KCNT2: variants seen among roughly 807,000 people sequenced by gnomAD.
The protein encoded by KCNT2 is potassium channel subfamily T member 2.
In KCNT2, 67 loss-of-function variants were observed where a neutral mutation model predicts 153.8. The ratio of observed to expected loss-of-function variants is 0.44; its 90% confidence interval spans 0.36 to 0.53. KCNT2 has a LOEUF of 0.53. Among genes scored for constraint, KCNT2 ranks in the 20% least tolerant of loss-of-function variants. The probability of loss-of-function intolerance (pLI) is 0.00; values close to 1 mark genes in which losing one functional copy is unlikely to be tolerated. For synonymous variants in KCNT2, 500 were observed against 458.8 expected, an observed-to-expected ratio of 1.09 and a Z score of -1.15; for missense variants, 975 against 1,354.8, an observed-to-expected ratio of 0.72 and a Z score of 4.40.
chr1:196,473,465 C>T lies in KCNT2; in HGVS notation c.385-4397G>A, dbSNP rs377539415. Among the ~76,000 whole-genome samples the T allele has an allele frequency of 3.9e-4, 59 of 152,264 alleles. 1 individual carries two copies. In the South Asian group the frequency reaches 0.011, roughly 27 times the overall value. On this transcript the variant is annotated intron_variant, in intron 5 of 27. Coordinates refer to ENST00000294725, the MANE Select transcript of KCNT2 (RefSeq NM_198503.5). ...CTAAATAAAAACTGTTGGTACATTA[C>T]GTCAACCATGGATTGTTGACTCACA...
At chr1:196,399,160 T>C (rs979946001) in intron 12 of KCNT2, among the ~76,000 whole-genome samples, 1 of 150,954 alleles carries the variant, frequency 6.6e-6, no homozygotes, top group Non-Finnish European at 1.5e-5. Flanking sequence ...AAAAAACTCT[T>C]AGATATAATA....
intron 8 of KCNT2, among the ~76,000 whole-genome samples, chr1:196,442,510 A>G (rs1265651202): frequency 2.6e-5 from 4 of 151,766 alleles, no homozygotes; most frequent in African/African-American, 9.7e-5. Context: ...AACTACAGAA[A>G]GAAGAGGCCC....
chr1:196,284,129 C>T (rs1474865963), intron 23 of KCNT2, among the ~76,000 whole-genome samples: 1 of 145,804 alleles, frequency 6.9e-6, no homozygotes, highest in Non-Finnish European at 1.5e-5. Flanking sequence ...TATTTGGGAG[C>T]CTGAGGCAGG....
At chr1:196,432,152 G>A (rs1674210945) in intron 8 of KCNT2, among the ~76,000 whole-genome samples, 1 of 152,118 alleles carries the variant, frequency 6.6e-6, no homozygotes, top group Admixed American at 6.6e-5. Flanking sequence ...TGCTATGGAA[G>A]TCAGAGGTGG....
intron 1 of KCNT2, among the ~76,000 whole-genome samples, chr1:196,559,500 C>G (rs899526243): frequency 3.3e-5 from 5 of 151,616 alleles, no homozygotes; most frequent in Non-Finnish European, 5.9e-5. Flanking sequence ...GTTACTTGGT[C>G]AAAGAGTAGA....
rs1169161256 is a variant in KCNT2 at position 196,283,870 on chromosome 1, A to T, written c.2698-1514T>A. On this transcript the variant is annotated intron_variant, in intron 23 of 27. Transcript: ENST00000294725. ...AATATTTTGTTTCAGTTATATATAC[A>T]TACACATCTACACACACACAAATGC... 2.0e-5 allele frequency among the ~76,000 whole-genome samples: 3 copies of T among 152,216 alleles called. No individual in the cohort carries two copies. The East Asian group carries it at 5.8e-4, about 30-fold the overall frequency.
At chr1:196,263,807 T>G (rs1218841805) in intron 25 of KCNT2, among the ~76,000 whole-genome samples, 1 of 152,196 alleles carries the variant, frequency 6.6e-6, no homozygotes, top group East Asian at 1.9e-4. Flanking sequence ...TGGTTAATTA[T>G]CTCTAAAAGA....
At chr1:196,249,340 C>T (rs1446550260) in intron 26 of KCNT2, among the ~76,000 whole-genome samples, 1 of 152,074 alleles carries the variant, frequency 6.6e-6, no homozygotes, top group Non-Finnish European at 1.5e-5. Flanking sequence ...AAAGGTCATT[C>T]AAATTGGAAA....
chr1:196,592,167 G>T (rs1663437012), intron 1 of KCNT2, among the ~76,000 whole-genome samples: 1 of 152,002 alleles, frequency 6.6e-6, no homozygotes, highest in Admixed American at 6.6e-5. Context: ...ATACACAATG[G>T]TGTACTATTC....
rs578142676 is a variant in KCNT2, at chr1:196,574,344, T to A, written c.95+33871A>T. 1.1e-4 allele frequency among the ~76,000 whole-genome samples: 17 copies of A among 151,798 alleles called. No individual in the cohort carries two copies. The South Asian group carries it at 3.3e-3, about 30-fold the overall frequency. ...TTTTACTAATCATTTTCAGATACAC[T>A]ATCTAGTGTGACTATCACAGCAATC... is the stretch of plus-strand genomic sequence containing the variant. On this transcript the variant is annotated intron_variant, in intron 1 of 27. Coordinates refer to ENST00000294725, the MANE Select transcript of KCNT2 (RefSeq NM_198503.5).
intron 25 of KCNT2, among the ~76,000 whole-genome samples, chr1:196,265,576 C>T (rs1022176362): frequency 6.6e-6 from 1 of 152,054 alleles, no homozygotes; most frequent in Admixed American, 6.6e-5. Flanking sequence ...TGCATCAGCC[C>T]CCATTCTACA....
intron 12 of KCNT2, among the ~76,000 whole-genome samples, chr1:196,412,899 C>A (rs547644605): frequency 3.0e-4 from 46 of 151,350 alleles, no homozygotes; most frequent in African/African-American, 8.7e-4. Context: ...TTCAAATGCA[C>A]AAATGTAACT....
At chr1:196,299,863 T>C (rs1661017115) in intron 22 of KCNT2, among the ~76,000 whole-genome samples, 1 of 152,308 alleles carries the variant, frequency 6.6e-6, no homozygotes, top group East Asian at 1.9e-4. Context: ...TGTTCATCAA[T>C]AGATGACTGG....
chr1:196,521,318 G>T (rs1653366103), intron 1 of KCNT2, among the ~76,000 whole-genome samples: 1 of 152,144 alleles, frequency 6.6e-6, no homozygotes, highest in Non-Finnish European at 1.5e-5. Context: ...TGAGGTTGTG[G>T]AGAAAAGAGA....
intron 22 of KCNT2, among the ~76,000 whole-genome samples, chr1:196,300,780 C>A (rs1452859307): frequency 6.6e-6 from 1 of 152,126 alleles, no homozygotes; most frequent in Non-Finnish European, 1.5e-5. Flanking sequence ...TCTTGTTAAT[C>A]TGTCTTTTGT....
intron 27 of KCNT2, among the ~76,000 whole-genome samples, chr1:196,231,030 A>AT (rs1653903885): frequency 6.6e-6 from 1 of 151,820 alleles, no homozygotes; most frequent in Non-Finnish European, 1.5e-5. Context: ...TTGTTGTCTG[A>AT]TTTTAAGAAA....
intron 26 of KCNT2, among the ~76,000 whole-genome samples, chr1:196,253,389 A>G (rs1656164959): frequency 6.6e-6 from 1 of 151,422 alleles, no homozygotes; most frequent in South Asian, 2.1e-4. Flanking sequence ...CATTTTTAGA[A>G]TGTTCAATTT....
At chr1:196,589,083 A>G (rs1392817068) in intron 1 of KCNT2, among the ~76,000 whole-genome samples, 1 of 152,044 alleles carries the variant, frequency 6.6e-6, no homozygotes, top group Non-Finnish European at 1.5e-5. Context: ...AGAATATTAT[A>G]CTATCAAAAG....
At chr1:196,443,588 G>C (rs1675430818) in intron 8 of KCNT2, among the ~76,000 whole-genome samples, 1 of 151,568 alleles carries the variant, frequency 6.6e-6, no homozygotes, top group Non-Finnish European at 1.5e-5. Flanking sequence ...CTAAAGGCAG[G>C]TTCAATAACC....
Sources: gnomAD v4.1 joint callset for allele counts (sites outside exome capture counted in the v4.1 genomes callset) on GRCh38, gnomAD v4.1.1 for gene constraint, MANE v1.5 for transcripts, NCBI Gene and HGNC (gene_info 2026-07-23, HGNC 2026-07-21) for gene names.